ZNF407: variants seen among roughly 807,000 people sequenced by gnomAD.
ZNF407 encodes the protein zinc finger protein 407.
ZNF407 carries 17 observed loss-of-function variants against 131.2 expected under a neutral mutation model. The observed-to-expected ratio is 0.13, with a 90% confidence interval of 0.09 to 0.19. The LOEUF (loss-of-function observed/expected upper bound fraction) is 0.19, where lower values mean the gene tolerates loss of function less well. Among genes scored for constraint, ZNF407 ranks in the 10% least tolerant of loss-of-function variants. The pLI, the probability that ZNF407 is intolerant of heterozygous loss-of-function variation, is 1.00. For missense variants in ZNF407, 2,681 were observed against 2,830.6 expected (o/e 0.95, Z 1.20); for synonymous variants, 1,156 against 1,062.0 (o/e 1.09, Z -1.72).
chr18:74,987,623 T>C (rs1469466294), intron 8 of ZNF407, among the ~76,000 whole-genome samples: 2 of 152,172 alleles, frequency 1.3e-5, no homozygotes, highest in Non-Finnish European at 2.9e-5. Context: ...AAGCTGCCTG[T>C]CTTGTGTGCC....
At chr18:75,039,275 G>A (rs1171278894) in intron 8 of ZNF407, among the ~76,000 whole-genome samples, 1 of 152,188 alleles carries the variant, frequency 6.6e-6, no homozygotes, top group Non-Finnish European at 1.5e-5. Flanking sequence ...GATGATTTCA[G>A]TAACTAGTAT....
At chr18:74,875,147 T>G (rs1167778092) in intron 4 of ZNF407, among the ~76,000 whole-genome samples, 4 of 152,212 alleles carry the variant, frequency 2.6e-5, no homozygotes, top group Admixed American at 2.6e-4. Flanking sequence ...CATTGTTAAG[T>G]ACGTCTTGAT....
chr18:75,052,384 C>CA (rs1352838217), intron 8 of ZNF407, among the ~76,000 whole-genome samples: 322 of 151,686 alleles, frequency 2.1e-3, no homozygotes, highest in African/African-American at 6.8e-3. Flanking sequence ...TGAACCACAG[C>CA]AAAAAAAACA....
chr18:74,807,621 A>G (rs1970131226), intron 4 of ZNF407, among the ~76,000 whole-genome samples: 1 of 152,210 alleles, frequency 6.6e-6, no homozygotes, highest in Admixed American at 6.5e-5. Flanking sequence ...TAGTAAAGTA[A>G]TATTTGTACC....
intron 1 of ZNF407, among the ~76,000 whole-genome samples, chr18:74,617,082 C>T: frequency 1.6e-5 from 2 of 124,128 alleles, no homozygotes; most frequent in East Asian, 2.3e-4. Flanking sequence ...CACACACATC[C>T]ATATCCATGC....
At chr18:74,772,810 G>T (rs1398906279) in intron 3 of ZNF407, among the ~76,000 whole-genome samples, 1 of 152,086 alleles carries the variant, frequency 6.6e-6, no homozygotes, top group Non-Finnish European at 1.5e-5. Flanking sequence ...TGAATTGTAT[G>T]GGAGAGTGCC....
Position 75,001,471 on chromosome 18 carries a change from C to T in ZNF407, c.5429-61679C>T, listed in dbSNP as rs146343590. Among the ~76,000 whole-genome samples the T allele has an allele frequency of 5.0e-3, 759 of 152,162 alleles. 20 individuals carry two copies. The highest frequency in any genetic ancestry group is 0.045 in the Admixed American group (681 of 15,282). ...ACAACAGTTAACAGTCCTCTCTGGGCAAAGAGCACATTTTTAGGTTAAGTG... is the reference window on the plus strand; with the variant it reads ...ACAACAGTTAACAGTCCTCTCTGGGTAAAGAGCACATTTTTAGGTTAAGTG... On this transcript the variant is annotated intron_variant, in intron 8 of 8. Transcript: ENST00000299687.
intron 7 of ZNF407, among the ~76,000 whole-genome samples, chr18:74,914,220 T>G (rs141867397): frequency 1.3e-5 from 2 of 152,320 alleles, no homozygotes; most frequent in East Asian, 3.9e-4. Flanking sequence ...AGGAACGTCT[T>G]TCACCTGTGA....
At chr18:75,005,719 G>A (rs60388013) in intron 8 of ZNF407, among the ~76,000 whole-genome samples, 21,921 of 56,864 alleles carry the variant, frequency 0.39, 2,058 homozygotes, top group Middle Eastern at 0.54. Flanking sequence ...CCCACCCCCC[G>A]CCGCCAACTT....
chr18:74,624,301 C>A (rs1340187915), intron 1 of ZNF407, among the ~76,000 whole-genome samples: 1 of 152,102 alleles, frequency 6.6e-6, no homozygotes, highest in Non-Finnish European at 1.5e-5. Context: ...TTTTTGAATT[C>A]TTCTTTAAAA....
At chr18:74,721,375 A>G (rs1317704520) in intron 3 of ZNF407, among the ~76,000 whole-genome samples, 1 of 151,712 alleles carries the variant, frequency 6.6e-6, no homozygotes, top group Non-Finnish European at 1.5e-5. Flanking sequence ...TCAAAATAGT[A>G]GTGGAAGTCC....
At chr18:74,693,791 A>T (rs560986899) in intron 3 of ZNF407, among the ~76,000 whole-genome samples, 26 of 151,964 alleles carry the variant, frequency 1.7e-4, no homozygotes, top group Middle Eastern at 3.4e-3. Flanking sequence ...TCAGGTCATT[A>T]TTTCTTCAGA....
At chr18:74,722,597 T>G (rs965430668) in intron 3 of ZNF407, among the ~76,000 whole-genome samples, 1 of 152,208 alleles carries the variant, frequency 6.6e-6, no homozygotes, top group African/African-American at 2.4e-5. Flanking sequence ...TGTTTCAGTC[T>G]TGTGTCAGTA....
Position 74,635,650 on chromosome 18 carries a change from A to C in ZNF407, c.4631A>C (p.Lys1544Thr). ...GGAAACGTCTGCAAGTATTGTGGGA[A>C]GATGTGTCGAAGCAGCAACTCGATG... is the stretch of plus-strand genomic sequence containing the variant. The part of the protein sequence containing the change: ...NQGNVCKYCG[K>T]MCRSSNSMAF... Residue 1544 changes from lysine (K) to threonine (T), a missense_variant, in exon 2 of 9, where the codon AAG (lysine) becomes ACG (threonine). Physicochemically the swap from Lys to Thr is moderately conservative, Grantham distance 78. Around this residue, in one of 6 missense-constraint regions of ZNF407, gnomAD observed 213 missense variants for 332.2 expected, o/e 0.64. Coordinates refer to ENST00000299687, the MANE Select transcript of ZNF407 (RefSeq NM_017757.3). The surrounding 1 kb of genome is among the most constrained non-coding windows in gnomAD (Gnocchi z 4.7). 6.2e-7 allele frequency: 1 copy of C among 1,611,594 alleles called. No homozygotes were observed. Among genetic ancestry groups the C allele is most frequent in the East Asian group, 2.2e-5 (1 of 44,850 alleles).
chr18:74,695,404 G>A (rs111314319), intron 3 of ZNF407, among the ~76,000 whole-genome samples: 10 of 152,240 alleles, frequency 6.6e-5, no homozygotes, highest in Admixed American at 5.9e-4. Context: ...ATACACTCTG[G>A]TGACAATAGC....
chr18:74,896,473 T>C (rs1177057747), intron 7 of ZNF407, among the ~76,000 whole-genome samples: 1 of 152,224 alleles, frequency 6.6e-6, no homozygotes, highest in Non-Finnish European at 1.5e-5. Context: ...CAAGGCCTTC[T>C]TCAAATTGTG....
chr18:74,971,139 C>G (rs1356764334), intron 8 of ZNF407, among the ~76,000 whole-genome samples: 1 of 152,194 alleles, frequency 6.6e-6, no homozygotes, highest in Non-Finnish European at 1.5e-5. Context: ...GCACACAGCA[C>G]AGGGACCCTG....
intron 1 of ZNF407, among the ~76,000 whole-genome samples, chr18:74,604,702 A>G (rs534660045): frequency 1.4e-4 from 22 of 152,352 alleles, no homozygotes; most frequent in Non-Finnish European, 2.6e-4. Context: ...ACAGAATTCA[A>G]TGGAAGTAAC....
chr18:74,870,888 T>C (rs1971077119), intron 4 of ZNF407, among the ~76,000 whole-genome samples: 1 of 152,220 alleles, frequency 6.6e-6, no homozygotes, highest in South Asian at 2.1e-4. Context: ...GTGAACAGGT[T>C]ACTATGGAAT....
Sources: gnomAD v4.1 joint callset for allele counts (sites outside exome capture counted in the v4.1 genomes callset) on GRCh38, gnomAD v4.1.1 for gene constraint, gnomAD v4.1.1 regional missense constraint, Gnocchi (gnomAD v3.1) non-coding constraint, MANE v1.5 for transcripts, NCBI Gene and HGNC (gene_info 2026-07-23, HGNC 2026-07-21) for gene names.